Variants in SPATA16 observed in about 807,000 individuals in gnomAD.
SPATA16 encodes the protein spermatogenesis associated 16, also known as spermatogenesis-associated protein 16.
In SPATA16, 36 loss-of-function variants were observed where a neutral mutation model predicts 63.3. The ratio of observed to expected loss-of-function variants is 0.57; its 90% confidence interval spans 0.44 to 0.75. The LOEUF is 0.75. Ranked by LOEUF, SPATA16 falls within the 30% of genes least tolerant of loss-of-function variation. The pLI, the probability that SPATA16 is intolerant of heterozygous loss-of-function variation, is 0.00. For synonymous variants in SPATA16, 203 were observed against 216.7 expected (o/e 0.94, Z 0.56); for missense variants, 646 against 679.3 (o/e 0.95, Z 0.54).
At chr3:172,923,271 T>C (rs773233938) in intron 8 of SPATA16, among the ~76,000 whole-genome samples, 5 of 152,196 alleles carry the variant, frequency 3.3e-5, no homozygotes, top group African/African-American at 4.8e-5. Context: ...GGTAGCTTTG[T>C]GGTAGGAACA....
Position 172,954,155 on chromosome 3 carries a change from A to G in SPATA16, c.1081+2522T>C, listed in dbSNP as rs188380707. Among the ~76,000 whole-genome samples, 5 of 152,350 alleles carry G rather than the reference A, an allele frequency of 3.3e-5. No homozygotes were observed. The East Asian group carries it at 9.6e-4, about 29-fold the overall frequency. ...AATAAAGACATACAGAAGACTGGAT[A>G]ATTTATAAAGGAAAGAGGTTTAATT... is the stretch of plus-strand genomic sequence containing the variant. On this transcript the variant is annotated intron_variant, in intron 6 of 10. Coordinates refer to ENST00000351008, the MANE Select transcript of SPATA16 (RefSeq NM_031955.6).
chr3:172,951,188 T>A (rs1733421531), intron 6 of SPATA16, among the ~76,000 whole-genome samples: 1 of 152,098 alleles, frequency 6.6e-6, no homozygotes, highest in Non-Finnish European at 1.5e-5. Context: ...ATAGCTATAC[T>A]GTGAAAAAAA....
At chr3:172,892,762 G>A (rs1435969096) in intron 10 of SPATA16, among the ~76,000 whole-genome samples, 3 of 152,154 alleles carry the variant, frequency 2.0e-5, no homozygotes, top group Admixed American at 6.5e-5. Flanking sequence ...CACAAGAAAG[G>A]ACACAGTTTT....
At chr3:173,053,600 T>G (rs1736150454) in intron 2 of SPATA16, among the ~76,000 whole-genome samples, 1 of 152,154 alleles carries the variant, frequency 6.6e-6, no homozygotes, top group South Asian at 2.1e-4. Flanking sequence ...GTGAGCCACA[T>G]TCTTAAAAAT....
chr3:172,907,137 C>A (rs138145000), intron 10 of SPATA16, among the ~76,000 whole-genome samples: 41 of 152,144 alleles, frequency 2.7e-4, no homozygotes, highest in Non-Finnish European at 5.7e-4. Context: ...AATCATCCAG[C>A]GCAATATCCT....
intron 2 of SPATA16, among the ~76,000 whole-genome samples, chr3:173,087,594 G>A (rs754368890): frequency 8.5e-5 from 13 of 152,122 alleles, no homozygotes; most frequent in Non-Finnish European, 1.9e-4. Flanking sequence ...TTGCAGACTT[G>A]TTAATGTAGT....
At chr3:173,040,465 G>A (rs529495565) in intron 3 of SPATA16, among the ~76,000 whole-genome samples, 1 of 152,228 alleles carries the variant, frequency 6.6e-6, no homozygotes, top group South Asian at 2.1e-4. Context: ...AAGTTGTGTT[G>A]TGTCAATATT....
chr3:172,955,972 G>T (rs932370968), intron 6 of SPATA16, among the ~76,000 whole-genome samples: 5 of 152,060 alleles, frequency 3.3e-5, no homozygotes, highest in Non-Finnish European at 7.4e-5. Flanking sequence ...GGATGAAGGG[G>T]CCTGAATAGA....
At chr3:172,917,646 A>G (rs1732524704) in intron 8 of SPATA16, among the ~76,000 whole-genome samples, 1 of 152,216 alleles carries the variant, frequency 6.6e-6, no homozygotes, top group Non-Finnish European at 1.5e-5. Context: ...CTCAAACAGA[A>G]GTTTGAGACA....
At chr3:172,916,663 A>G (rs1041244209) in intron 8 of SPATA16, among the ~76,000 whole-genome samples, 182 bp from the exon 9 acceptor site, 1 of 152,204 alleles carries the variant, frequency 6.6e-6, no homozygotes, top group African/African-American at 2.4e-5. Context: ...TCTAGTAGGT[A>G]AATATACATA....
chr3:172,983,826 T>C (rs964914792), intron 4 of SPATA16, among the ~76,000 whole-genome samples: 1 of 152,054 alleles, frequency 6.6e-6, no homozygotes, highest in East Asian at 1.9e-4. Flanking sequence ...CCAGTCACAA[T>C]GTTCTTTCCA....
chr3:173,090,199 T>C (rs1462407574), intron 2 of SPATA16, among the ~76,000 whole-genome samples: 1 of 152,160 alleles, frequency 6.6e-6, no homozygotes, highest in Non-Finnish European at 1.5e-5. Flanking sequence ...CTCTTGGCAC[T>C]GTTCTCATGA....
rs1577190396 is a variant in SPATA16, at chr3:173,129,574, T to G, written c.-19+11529A>C. 3.3e-5 allele frequency among the ~76,000 whole-genome samples: 5 copies of G among 151,540 alleles called. 1 individual carries two copies. Among genetic ancestry groups the G allele is most frequent in the Admixed American group, 3.3e-4 (5 of 15,192 alleles). The stretch of plus-strand genomic sequence containing the variant: ...TACAGATTTCTGTGTATTCACTGTA[T>G]TATATATATACTTATATATAATATT... On this transcript the variant is annotated intron_variant, in intron 1 of 10. Coordinates refer to ENST00000351008, the MANE Select transcript of SPATA16 (RefSeq NM_031955.6).
chr3:172,938,300 T>TGG (rs1733059984), intron 6 of SPATA16, among the ~76,000 whole-genome samples: 1 of 152,094 alleles, frequency 6.6e-6, no homozygotes, highest in Admixed American at 6.5e-5. Context: ...AATTGTTAAG[T>TGG]GGTTATTAAG....
At chr3:172,902,106 C>T (rs775361066) in intron 10 of SPATA16, among the ~76,000 whole-genome samples, 2 of 152,174 alleles carry the variant, frequency 1.3e-5, no homozygotes, top group Non-Finnish European at 1.5e-5. Flanking sequence ...GACATGATCT[C>T]GGCTCACTGA....
rs1731871505 is a variant in SPATA16, at chr3:172,890,422, T to C, written c.1588-730A>G. On this transcript the variant is annotated intron_variant, in intron 10 of 10. Coordinates refer to ENST00000351008, the MANE Select transcript of SPATA16 (RefSeq NM_031955.6). ...TTGATTTCTCATGAAAGTCAGTAGATATACGATTCATACTTAACCCTGACT... is the reference window on the plus strand; with the variant it reads ...TTGATTTCTCATGAAAGTCAGTAGACATACGATTCATACTTAACCCTGACT... 1.3e-5 allele frequency among the ~76,000 whole-genome samples: 2 copies of C among 152,212 alleles called. 1 individual carries two copies. Among genetic ancestry groups the C allele is most frequent in the Admixed American group, 1.3e-4 (2 of 15,276 alleles).
intron 2 of SPATA16, among the ~76,000 whole-genome samples, chr3:173,098,715 C>T (rs977066513): frequency 1.3e-5 from 2 of 152,078 alleles, no homozygotes; most frequent in Admixed American, 1.3e-4. Context: ...AAAGAAGAAA[C>T]TGAAGTAGAA....
intron 4 of SPATA16, among the ~76,000 whole-genome samples, chr3:172,999,718 A>G (rs980778497): frequency 1.4e-4 from 21 of 151,926 alleles, no homozygotes; most frequent in African/African-American, 4.8e-4. Flanking sequence ...CTGGCCCCCT[A>G]TTTCATTTCT....
At chr3:173,010,222 T>C (rs1417425977) in intron 4 of SPATA16, among the ~76,000 whole-genome samples, 1 of 152,194 alleles carries the variant, frequency 6.6e-6, no homozygotes, top group African/African-American at 2.4e-5. Flanking sequence ...CGGACAGACC[T>C]ACCGTGATTG....
Sources: gnomAD v4.1 joint callset for allele counts (sites outside exome capture counted in the v4.1 genomes callset) on GRCh38, gnomAD v4.1.1 for gene constraint, MANE v1.5 for transcripts, NCBI Gene and HGNC (gene_info 2026-07-23, HGNC 2026-07-21) for gene names.